The following RLN1 variants were observed in gnomAD, a reference collection of about 807,000 sequenced individuals.
The protein encoded by RLN1 is relaxin 1.
RLN1 carries 4 observed loss-of-function variants against 7.2 expected under a neutral mutation model. That is an observed-to-expected ratio of 0.56 (90% CI 0.28 to 1.28). The LOEUF (loss-of-function observed/expected upper bound fraction) is 1.28, where lower values mean the gene tolerates loss of function less well. RLN1 is among the 50% of genes most tolerant of loss of function. RLN1 has a pLI of 0.11. For synonymous variants in RLN1, 105 were observed against 86.0 expected, an observed-to-expected ratio of 1.22 and a Z score of -1.22; for missense variants, 293 against 221.1, an observed-to-expected ratio of 1.32 and a Z score of -2.06.
At chr9:5,337,401 T>C (rs964728839) in intron 1 of RLN1, among the ~76,000 whole-genome samples, 2 of 152,094 alleles carry the variant, frequency 1.3e-5, no homozygotes, top group Admixed American at 6.5e-5. Context: ...CTTTTAGCTA[T>C]GGAACCTAGG....
At chr9:5,339,210 C>G in intron 1 of RLN1, 1 of 210,848 alleles carries the variant, frequency 4.7e-6, no homozygotes, top group East Asian at 1.1e-4. Context: ...GGCGGCGTCA[C>G]CTCCTCTGAG....
In RLN1 at chr9:5,335,276, T is replaced by G. The variant is rs760968648; in HGVS notation, c.533A>C (p.Lys178Thr). 2 of 1,594,926 alleles carry G rather than the reference T, an allele frequency of 1.3e-6. No individual in the cohort carries two copies. Among genetic ancestry groups the G allele is most frequent in the Non-Finnish European group, 1.7e-6 (2 of 1,174,202 alleles). ...TCAGCAATATTTAGCAAGAGACCTT[T>G]TGGTACAACCAATTAGGCAACATTT... ...FEKCCLIGCT[K>T]RSLAKYC The change falls in exon 2 of 2, where the codon AAA (lysine) becomes ACA (threonine). Residue 178 changes from lysine to threonine, a missense_variant. Physicochemically the swap from Lys to Thr is moderately conservative, Grantham distance 78. Transcript: ENST00000223862.
At position 5,335,092 on chromosome 9, in the gene RLN1, TCATA is replaced by T; in HGVS notation, c.*155_*158del. 2.0e-6 allele frequency: 1 copy of T among 512,034 alleles called. No individual in the cohort carries two copies. Among genetic ancestry groups the T allele is most frequent in the Admixed American group, 3.7e-5 (1 of 27,062 alleles). The allele number at this position is 512,034 out of a possible 1,614,324, so 31.7% of individuals were successfully genotyped here. ...AAAGTGTCATTTACAGAAACTACAA[TCATA>T]CAAAGAATATTTTCTTACACACCAA... On this transcript the variant is annotated 3_prime_UTR_variant, in exon 2 of 2. Transcript: ENST00000223862.
intron 1 of RLN1, among the ~76,000 whole-genome samples, chr9:5,336,219 G>A (rs935549254): frequency 1.3e-5 from 2 of 152,000 alleles, no homozygotes; most frequent in African/African-American, 4.8e-5. Context: ...CAAATCAATA[G>A]TATTTTATAT....
At position 5,335,545 on chromosome 9, in the gene RLN1, C is replaced by T; in HGVS notation, c.264G>A (p.Leu88=). ...NKDTETIIIM[L]EFIANLPPEL... ...CCGGTGGCAAATTAGCAATGAATTC[C>T]AACATGATAATTATAGTTTCTGTAT... Residue 88 remains leucine (L), a synonymous_variant, in exon 2 of 2, where the codon TTG becomes TTA. Coordinates refer to ENST00000223862, the MANE Select transcript of RLN1 (RefSeq NM_006911.4). The T allele has an allele frequency of 1.9e-6, 3 of 1,612,088 alleles. No homozygotes were observed. Among genetic ancestry groups the T allele is most frequent in the Non-Finnish European group, 2.5e-6 (3 of 1,179,000 alleles).
At position 5,335,575 on chromosome 9, in the gene RLN1, G is replaced by C; in HGVS notation, c.234C>G (p.Asn78Lys). The change falls in exon 2 of 2, where the codon AAC becomes AAG. Residue 78 changes from asparagine to lysine, a missense_variant. Transcript: ENST00000223862. ...TGATAATTATAGTTTCTGTATCTTT[G>C]TTGATGAAGGATGGTACAATTTCTG... is the stretch of plus-strand genomic sequence containing the variant. ...PVAEIVPSFI[N>K]KDTETIIIML... is the part of the protein sequence containing the mutation. The C allele has an allele frequency of 6.2e-7, 1 of 1,608,042 alleles. No individual in the cohort carries two copies. Among genetic ancestry groups the C allele is most frequent in the African/African-American group, 1.3e-5 (1 of 74,646 alleles).
rs1816858386 is a variant in RLN1 at position 5,335,141 on chromosome 9, A to T, written c.*110T>A. On this transcript the variant is annotated 3_prime_UTR_variant, in exon 2 of 2. Coordinates refer to ENST00000223862, the MANE Select transcript of RLN1 (RefSeq NM_006911.4). Reference sequence around the variant, plus strand: ...CACCAAATGAAAAATCTAAACATTAATAAAGATTTCTTATATTCTAATAAT... The same window carrying T: ...CACCAAATGAAAAATCTAAACATTATTAAAGATTTCTTATATTCTAATAAT... 1.6e-6 allele frequency: 1 copy of T among 612,354 alleles called. No homozygotes were observed. The highest frequency in any genetic ancestry group is 1.9e-5 in the African/African-American group (1 of 53,514). 37.9% of individuals were successfully genotyped at this position (612,354 alleles called of 1,614,324 possible). A position where few individuals can be genotyped will look rare whatever the true frequency, so the allele number is the denominator to read the frequency against.
At chr9:5,340,670 C>T (rs902934848), upstream of RLN1, among the ~76,000 whole-genome samples, 4 of 152,168 alleles carry the variant, frequency 2.6e-5, no homozygotes, top group Non-Finnish European at 5.9e-5. Flanking sequence ...TTTGTGTTTG[C>T]TGCACCTGGT....
At chr9:5,340,008 C>T (rs1376309068), upstream of RLN1, 2 of 532,024 alleles carry the variant, frequency 3.8e-6, no homozygotes, top group Non-Finnish European at 6.7e-6. Flanking sequence ...GCCCATTCCT[C>T]TGTCCTTGGC....
intron 1 of RLN1, among the ~76,000 whole-genome samples, chr9:5,336,610 ACT>A (rs1563755278): frequency 6.6e-6 from 1 of 152,016 alleles, no homozygotes. Flanking sequence ...AGTGAGCTAA[ACT>A]CTCTCCTAAC....
In RLN1 at chr9:5,335,206, G is replaced by A; in HGVS notation, c.*45C>T. ...AGAAGCATCAGTGAAATGTCATCAA[G>A]ACTATGTGTGAAAATTAGACAAGAT... On this transcript the variant is annotated 3_prime_UTR_variant, in exon 2 of 2. Coordinates refer to ENST00000223862, the MANE Select transcript of RLN1 (RefSeq NM_006911.4). 8.3e-7 allele frequency: 1 copy of A among 1,201,012 alleles called. No homozygotes were observed. The allele number at this position is 1,201,012 out of a possible 1,614,324, so 74.4% of individuals were successfully genotyped here. A position where few individuals can be genotyped will look rare whatever the true frequency, so the allele number is the denominator to read the frequency against.
chr9:5,336,733 T>C (rs1039531380), intron 1 of RLN1, among the ~76,000 whole-genome samples: 3 of 152,032 alleles, frequency 2.0e-5, no homozygotes, highest in African/African-American at 7.3e-5. Flanking sequence ...CTCTTCTTCT[T>C]GGACAGGAAA....
chr9:5,335,470 C>T lies in RLN1; in HGVS notation c.339G>A (p.Gln113=), dbSNP rs2273782. The T allele has an allele frequency of 0.25, 406,386 of 1,612,432 alleles. 56,050 individuals are homozygous for T. The highest frequency in any genetic ancestry group is 0.43 in the East Asian group (19,155 of 44,826). Residue 113 remains glutamine (Q), a synonymous_variant, in exon 2 of 2, where the codon CAG becomes CAA. Transcript: ENST00000223862. ...AATCCTTTAATGCAGGTACATACTGCTGTAGCTCTGGTAATGATGGTTGCC... is the reference window on the plus strand; with the variant it reads ...AATCCTTTAATGCAGGTACATACTGTTGTAGCTCTGGTAATGATGGTTGCC... ...SERQPSLPEL[Q]QYVPALKDSN...
At chr9:5,340,277 G>T (rs1395975302), upstream of RLN1, among the ~76,000 whole-genome samples, 3 of 152,176 alleles carry the variant, frequency 2.0e-5, no homozygotes, top group African/African-American at 7.2e-5. Context: ...TATAATGGAT[G>T]AATGAATAAA....
intron 1 of RLN1, among the ~76,000 whole-genome samples, 195 bp from the exon 2 acceptor site, chr9:5,335,792 T>C (rs1000089856): frequency 1.3e-5 from 2 of 152,060 alleles, no homozygotes; most frequent in Non-Finnish European, 2.9e-5. Context: ...ACCATAATTT[T>C]ACCAAGGCTC....
At position 5,335,680 on chromosome 9, in the gene RLN1, CAAAGA is replaced by C. The variant is rs535394956; in HGVS notation, c.212-88_212-84del. 1.1e-4 allele frequency: 90 copies of C among 812,916 alleles called. No individual in the cohort carries two copies. In the African/African-American group the frequency reaches 1.3e-3, roughly 12 times the overall value. 50.4% of individuals were successfully genotyped at this position (812,916 alleles called of 1,614,324 possible). A position where few individuals can be genotyped will look rare whatever the true frequency, so the allele number is the denominator to read the frequency against. ...GAAAAACTGTGAATGTTTGCATACA[CAAAGA>C]AAAGAAAGCATTGCCTCAATATAAA... On this transcript the variant is annotated intron_variant, in intron 1 of 1. Coordinates refer to ENST00000223862, the MANE Select transcript of RLN1 (RefSeq NM_006911.4).
At chr9:5,337,335 C>A (rs1013815254) in intron 1 of RLN1, among the ~76,000 whole-genome samples, 5 of 151,964 alleles carry the variant, frequency 3.3e-5, no homozygotes, top group African/African-American at 1.2e-4. Context: ...GTGTTTTGAA[C>A]TTTTATTAAA....
chr9:5,339,868 T>G lies in RLN1; in HGVS notation c.-122A>C. 4 of 987,292 alleles carry G rather than the reference T, an allele frequency of 4.1e-6. No homozygotes were observed. In the South Asian group the frequency reaches 6.1e-5, roughly 15 times the overall value. The allele number at this position is 987,292 out of a possible 1,614,324, so 61.2% of individuals were successfully genotyped here. On this transcript the variant is annotated 5_prime_UTR_variant, in exon 1 of 2. Coordinates refer to ENST00000223862, the MANE Select transcript of RLN1 (RefSeq NM_006911.4). ...CTTTAGGCTGCTTTCCCTACCCGGC[T>G]CAACCAGTCTTTAGTATGGGCTATC...
At chr9:5,335,827 C>T (rs537214492) in intron 1 of RLN1, among the ~76,000 whole-genome samples, 12 of 151,996 alleles carry the variant, frequency 7.9e-5, no homozygotes, top group Non-Finnish European at 1.5e-4. Flanking sequence ...GGTCCTCTCT[C>T]GTCTCTCTTC....
Sources: gnomAD v4.1 joint callset for allele counts (sites outside exome capture counted in the v4.1 genomes callset) on GRCh38, gnomAD v4.1.1 for gene constraint, MANE v1.5 for transcripts, NCBI Gene and HGNC (gene_info 2026-07-23, HGNC 2026-07-21) for gene names.